FNIP2: variants seen among roughly 807,000 people sequenced by gnomAD.
The protein encoded by FNIP2 is folliculin-interacting protein 2.
Under a neutral mutation model 108.7 loss-of-function variants are expected in FNIP2, and 32 were observed. The observed-to-expected ratio is 0.29, with a 90% CI of 0.22 to 0.40. The LOEUF (loss-of-function observed/expected upper bound fraction) is 0.40. Among genes scored for constraint, FNIP2 ranks in the 10% least tolerant of loss-of-function variants. The pLI is 1.00. For missense variants in FNIP2, 1,202 were observed against 1,381.6 expected (o/e 0.87, Z 2.06); for synonymous variants, 480 against 496.7 (o/e 0.97, Z 0.45).
intron 1 of FNIP2, among the ~76,000 whole-genome samples, chr4:158,801,767 C>T (rs1371495525): frequency 6.6e-6 from 1 of 152,166 alleles, no homozygotes; most frequent in African/African-American, 2.4e-5. Flanking sequence ...TTCCTTAGCG[C>T]TGAGCTCGTC....
chr4:158,775,723 T>C (rs767014587), intron 1 of FNIP2, among the ~76,000 whole-genome samples: 2 of 152,238 alleles, frequency 1.3e-5, no homozygotes, highest in Non-Finnish European at 2.9e-5. Context: ...ACTTTCTGTT[T>C]GTGCCAGAAT....
chr4:158,845,010 C>T (rs1779322820), intron 7 of FNIP2, among the ~76,000 whole-genome samples: 1 of 152,128 alleles, frequency 6.6e-6, no homozygotes, highest in African/African-American at 2.4e-5. Context: ...TTAAGCTGGG[C>T]GTTAACCAGA....
intron 1 of FNIP2, 52 bp from the exon 2 acceptor site, chr4:158,825,864 C>A: frequency 6.3e-7 from 1 of 1,578,898 alleles, no homozygotes; most frequent in South Asian, 1.1e-5. Context: ...TGTCTGTGAT[C>A]ATCTCATGTG....
chr4:158,794,911 C>A (rs1578831254), intron 1 of FNIP2, among the ~76,000 whole-genome samples: 1 of 152,208 alleles, frequency 6.6e-6, no homozygotes, highest in East Asian at 1.9e-4. Flanking sequence ...TGTTAGTATA[C>A]CTGAATGTAT....
intron 1 of FNIP2, among the ~76,000 whole-genome samples, chr4:158,808,352 A>G (rs1418327904): frequency 6.6e-6 from 1 of 152,168 alleles, no homozygotes; most frequent in East Asian, 1.9e-4. Context: ...TGATGCTTTA[A>G]ATTTTAACAT....
Position 158,868,155 on chromosome 4 carries a change from G to A in FNIP2, c.1519G>A (p.Val507Ile), listed in dbSNP as rs532436555. ...SPVRLTRTVV[V>I]GKQKDLVQRI... ...AGTGAGACTGACTCGCACCGTAGTG[G>A]TAGGGAAGCAGAAGGACTTAGTCCA... is the stretch of plus-strand genomic sequence containing the variant. Residue 507 changes from valine to isoleucine, a missense_variant, in exon 13 of 17, where the codon GTA (valine) becomes ATA (isoleucine). Physicochemically the swap from Val to Ile is conservative, Grantham distance 29. Around this residue, in one of 5 missense-constraint regions of FNIP2, gnomAD observed 878 missense variants for 990.3 expected, o/e 0.89. Transcript: ENST00000264433. This position sits in a 1 kb window ranked among gnomAD's most constrained non-coding sequence, Gnocchi z 4.6. The A allele has an allele frequency of 1.8e-5, 29 of 1,614,060 alleles. No individual in the cohort carries two copies. In the East Asian group the frequency reaches 4.9e-4, roughly 27 times the overall value.
At chr4:158,794,696 C>T (rs1443632593) in intron 1 of FNIP2, 1 of 152,294 alleles carries the variant, frequency 6.6e-6, no homozygotes, top group Non-Finnish European at 1.5e-5. Flanking sequence ...AAAGTGAGCA[C>T]CTCACATGTT....
chr4:158,836,811 C>CAAAAAAAAAAAAAAAAAAAAAAAAA (rs34469888), intron 7 of FNIP2, among the ~76,000 whole-genome samples: 1 of 39,564 alleles, frequency 2.5e-5, no homozygotes, highest in African/African-American at 8.3e-5. Context: ...GACTCCGTCT[C>CAAAAAAAAAAAAAAAAAAAAAAAAA]AAAAAAAAAA....
intron 14 of FNIP2, among the ~76,000 whole-genome samples, 182 bp from the exon 15 acceptor site, chr4:158,891,264 T>C (rs1782263689): frequency 1.3e-5 from 2 of 151,612 alleles, no homozygotes; most frequent in Admixed American, 1.3e-4. Context: ...AAAGTCCTTG[T>C]GACTGCTTCA....
intron 15 of FNIP2, among the ~76,000 whole-genome samples, chr4:158,894,800 C>T (rs933916284): frequency 2.6e-5 from 4 of 152,142 alleles, no homozygotes; most frequent in African/African-American, 9.7e-5. Flanking sequence ...GTTTCATCCA[C>T]CTGACACAAT....
In FNIP2 at chr4:158,848,004, G is replaced by A. The variant is rs142929521; in HGVS notation, c.728-3317G>A. On this transcript the variant is annotated intron_variant, in intron 7 of 16. Transcript: ENST00000264433. ...GCAGAACAGAGCATCAGGTAGATTC[G>A]TAAGGTTTCTGACTCCAGGCATTGG... 7.6e-4 allele frequency among the ~76,000 whole-genome samples: 115 copies of A among 152,300 alleles called. No homozygotes were observed. In the East Asian group the frequency reaches 0.013, roughly 17 times the overall value.
chr4:158,857,988 A>G (rs900445963), intron 8 of FNIP2, among the ~76,000 whole-genome samples: 7 of 152,142 alleles, frequency 4.6e-5, no homozygotes, highest in African/African-American at 1.7e-4. Flanking sequence ...TCCTGACCAT[A>G]ACACTTTTGG....
chr4:158,883,455 A>C (rs1348065391), intron 14 of FNIP2, among the ~76,000 whole-genome samples: 1 of 152,074 alleles, frequency 6.6e-6, no homozygotes, highest in Non-Finnish European at 1.5e-5. Context: ...GTTAGCCAGG[A>C]TGGTCTCGAT....
intron 12 of FNIP2, among the ~76,000 whole-genome samples, chr4:158,865,655 A>G (rs1239330411): frequency 5.3e-5 from 8 of 152,196 alleles, no homozygotes; most frequent in Admixed American, 5.2e-4. Context: ...TAATATTGAA[A>G]CTGATTTAAC....
rs11946928 is a variant in FNIP2, at chr4:158,870,367, G to A, written c.2847G>A (p.Ala949=). 0.013 allele frequency: 21,366 copies of A among 1,613,954 alleles called. 891 individuals carry two copies. In the African/African-American group the frequency reaches 0.14, roughly 11 times the overall value. ...NVRNFGRSLL[A]GYCPTYMPDL... ...GGAACTTTGGCCGCTCACTTCTGGC[G>A]GGCTACTGCCCCACATACATGCCTG... is the stretch of plus-strand genomic sequence containing the variant. Residue 949 remains alanine, a synonymous_variant, in exon 14 of 17, where the codon GCG becomes GCA. Transcript: ENST00000264433.
At chr4:158,903,326 A>G (rs1729521634) in intron 16 of FNIP2, among the ~76,000 whole-genome samples, 1 of 152,028 alleles carries the variant, frequency 6.6e-6, no homozygotes, top group South Asian at 2.1e-4. Context: ...AGCCACTCCC[A>G]ATGAGATGAG....
intron 10 of FNIP2, among the ~76,000 whole-genome samples, chr4:158,860,900 C>A (rs1236569676): frequency 6.6e-6 from 1 of 152,064 alleles, no homozygotes; most frequent in African/African-American, 2.4e-5. Flanking sequence ...TGTAATCCAC[C>A]ACCTTGGCCT....
chr4:158,823,696 G>A (rs529706606), intron 1 of FNIP2, among the ~76,000 whole-genome samples: 8 of 152,256 alleles, frequency 5.3e-5, no homozygotes, highest in African/African-American at 1.4e-4. Context: ...TTTCCTCCAC[G>A]CAGACTTTTG....
intron 14 of FNIP2, among the ~76,000 whole-genome samples, chr4:158,882,783 A>T (rs972382252): frequency 6.6e-6 from 1 of 152,212 alleles, no homozygotes; most frequent in African/African-American, 2.4e-5. Context: ...TTTGTTAAAC[A>T]GATGCTTGAA....
Sources: gnomAD v4.1 joint callset for allele counts (sites outside exome capture counted in the v4.1 genomes callset) on GRCh38, gnomAD v4.1.1 for gene constraint, gnomAD v4.1.1 regional missense constraint, Gnocchi (gnomAD v3.1) non-coding constraint, MANE v1.5 for transcripts, NCBI Gene and HGNC (gene_info 2026-07-23, HGNC 2026-07-21) for gene names.